The following ERAP1 variants were observed in gnomAD, a reference collection of about 807,000 sequenced individuals.
ERAP1 encodes the protein adipocyte-derived leucine aminopeptidase.
Under a neutral mutation model 103.7 loss-of-function variants are expected in ERAP1, and 86 were observed. That is an observed-to-expected ratio of 0.83 (90% CI 0.70 to 0.99). ERAP1 has a LOEUF of 0.99. Ranked by LOEUF, ERAP1 falls within the 50% of genes least tolerant of loss-of-function variation. The probability of loss-of-function intolerance (pLI) is 0.00; values close to 1 mark genes in which losing one functional copy is unlikely to be tolerated. For synonymous variants in ERAP1, 398 were observed against 402.4 expected, an observed-to-expected ratio of 0.99 and a Z score of 0.13; for missense variants, 1,009 against 1,128.4, an observed-to-expected ratio of 0.89 and a Z score of 1.52.
At chr5:96,909,812 A>G in the ERAP1 span, 1 of 1,582,684 alleles carries the variant, frequency 6.3e-7, no homozygotes, top group African/African-American at 1.4e-5. Context: ...TCTTTGATGT[A>G]AAAGTCTTTG....
chr5:96,857,429 T>A, the ERAP1 span, among the ~76,000 whole-genome samples: 2 of 152,068 alleles, frequency 1.3e-5, no homozygotes, highest in Non-Finnish European at 2.9e-5. Flanking sequence ...AACAAGGCCT[T>A]GCCCATAGAA....
exon 20 of ERAP1, chr5:96,761,939 C>T (rs1391556039): frequency 5.7e-6 from 1 of 174,040 alleles, no homozygotes; most frequent in Non-Finnish European, 1.2e-5. Context: ...CTCACTAGAA[C>T]TTATTCAGAG....
At chr5:96,848,215 AT>A in the ERAP1 span, among the ~76,000 whole-genome samples, 2 of 151,932 alleles carry the variant, frequency 1.3e-5, no homozygotes, top group Non-Finnish European at 2.9e-5. Context: ...CACCTGTCTA[AT>A]TTTGTTTTAT....
chr5:96,791,249 A>C (rs1776700890), intron 8 of ERAP1, among the ~76,000 whole-genome samples: 1 of 152,214 alleles, frequency 6.6e-6, no homozygotes, highest in African/African-American at 2.4e-5. Context: ...GGTGAGTCAC[A>C]AACTCAAATG....
At chr5:96,860,648 G>A in the ERAP1 span, among the ~76,000 whole-genome samples, 1 of 152,116 alleles carries the variant, frequency 6.6e-6, no homozygotes, top group East Asian at 1.9e-4. Flanking sequence ...AGGGGGTCTA[G>A]GAAGGTTTCC....
At chr5:96,796,143 G>C (rs1040493159) in intron 4 of ERAP1, among the ~76,000 whole-genome samples, 1 of 152,130 alleles carries the variant, frequency 6.6e-6, no homozygotes, top group African/African-American at 2.4e-5. Context: ...ACCTCCACAA[G>C]AATAAGAAAT....
Position 96,803,390 on chromosome 5 carries a change from GAAAA to G in ERAP1, c.524+9_524+12del. ...GCACTTGCAGTTTAAAAGAAAAAGA[GAAAA>G]AAAAATACCTCAGTTCCCCTTCCTT... On this transcript the variant is annotated intron_variant, in intron 2 of 18. Transcript: ENST00000443439. 1 of 1,581,394 alleles carries G rather than the reference GAAAA, an allele frequency of 6.3e-7. No homozygotes were observed. Among genetic ancestry groups the G allele is most frequent in the African/African-American group, 1.4e-5 (1 of 74,006 alleles).
the ERAP1 span, among the ~76,000 whole-genome samples, chr5:96,836,765 T>A: frequency 6.6e-6 from 1 of 152,188 alleles, no homozygotes; most frequent in African/African-American, 2.4e-5. Context: ...TAAAGAGCCA[T>A]ATGTGGATGC....
the ERAP1 span, among the ~76,000 whole-genome samples, chr5:96,916,291 A>G: frequency 2.0e-5 from 3 of 152,012 alleles, no homozygotes; most frequent in Non-Finnish European, 4.4e-5. Flanking sequence ...TAAAATACTT[A>G]AAATACGTGT....
chr5:96,781,843 T>G lies in ERAP1; in HGVS notation c.2297A>C (p.Asp766Ala), dbSNP rs375467336. The G allele has an allele frequency of 4.3e-6, 7 of 1,613,890 alleles. No individual in the cohort carries two copies. Among genetic ancestry groups the G allele is most frequent in the Non-Finnish European group, 5.1e-6 (6 of 1,179,966 alleles). ...ESNGNLSLPV[D>A]VTLAVFAVGA... ...CACAGCAAACACTGCCAAGGTCACGTCGACAGGCAGGCTATAGAAAGGAAC... is the reference window on the plus strand; with the variant it reads ...CACAGCAAACACTGCCAAGGTCACGGCGACAGGCAGGCTATAGAAAGGAAC... Residue 766 changes from aspartate to alanine, a missense_variant, in exon 16 of 19, where the codon GAC (aspartate) becomes GCC (alanine). Around this residue, in one of 3 missense-constraint regions of ERAP1, gnomAD observed 611 missense variants for 651.7 expected, o/e 0.94. Coordinates refer to ENST00000443439, the MANE Select transcript of ERAP1 (RefSeq NM_001040458.3).
At chr5:96,932,724 T>A in the ERAP1 span, among the ~76,000 whole-genome samples, 8 of 152,210 alleles carry the variant, frequency 5.3e-5, no homozygotes, top group Non-Finnish European at 8.8e-5. Context: ...GATAAAAATA[T>A]CCCTATATTC....
chr5:96,797,089 T>G (rs1045083605), intron 4 of ERAP1, 86 bp downstream of exon 4: 7 of 1,545,638 alleles, frequency 4.5e-6, no homozygotes, highest in Non-Finnish European at 6.2e-6. Context: ...CACGACCCAC[T>G]GCGCTCAGGC....
chr5:96,862,656 T>A, the ERAP1 span, among the ~76,000 whole-genome samples: 1 of 152,114 alleles, frequency 6.6e-6, no homozygotes, highest in Non-Finnish European at 1.5e-5. Context: ...AGCGAATGAG[T>A]TTTAAAGACC....
chr5:96,794,736 TA>T (rs899484982), intron 5 of ERAP1, among the ~76,000 whole-genome samples: 9 of 152,210 alleles, frequency 5.9e-5, no homozygotes, highest in Non-Finnish European at 1.3e-4. Context: ...CAGGTGCCAG[TA>T]AAGAAAAAAT....
rs3797812 is a variant in ERAP1, at chr5:96,761,523, G to A, written c.*1677C>T. 18 of 152,162 alleles carry A rather than the reference G, an allele frequency of 1.2e-4. No individual in the cohort carries two copies. In the East Asian group the frequency reaches 3.2e-3, roughly 27 times the overall value. The allele number at this position is 152,162 out of a possible 1,614,324, so 9.4% of individuals were successfully genotyped here. A position where few individuals can be genotyped will look rare whatever the true frequency, so the allele number is the denominator to read the frequency against. On this transcript the variant is annotated 3_prime_UTR_variant, in exon 20 of 20. Transcript: ENST00000296754. ...TTTAATGTGCTTTTCTCCATCTTTTGGTAAAATTTGCAATTCTCCTTTTTC... is the reference window on the plus strand; with the variant it reads ...TTTAATGTGCTTTTCTCCATCTTTTAGTAAAATTTGCAATTCTCCTTTTTC...
At chr5:96,907,892 A>AT in the ERAP1 span, among the ~76,000 whole-genome samples, 11 of 151,620 alleles carry the variant, frequency 7.3e-5, no homozygotes, top group East Asian at 1.2e-3. Flanking sequence ...TCAAAAAAAA[A>AT]AAATATATAT....
chr5:96,783,211 C>T lies in ERAP1; in HGVS notation c.2125G>A (p.Asp709Asn), dbSNP rs770438368. The change falls in exon 15 of 19, where the codon GAC becomes AAC. Residue 709 changes from aspartate (D) to asparagine (N), a missense_variant. By Grantham distance (23) the Asp-to-Asn change is conservative. Transcript: ENST00000443439. ...FKAFLIRLLR[D>N]LIDKQTWTDE... ...GTCCATGTCTGCTTATCAATGAGGT[C>T]CCTTAGCAGCCTGATGAGGAAGGCC... The T allele has an allele frequency of 6.2e-7, 1 of 1,612,084 alleles. No homozygotes were observed. Among genetic ancestry groups the T allele is most frequent in the Non-Finnish European group, 8.5e-7 (1 of 1,178,220 alleles).
chr5:96,934,204 T>C, the ERAP1 span: 1 of 152,180 alleles, frequency 6.6e-6, no homozygotes. Flanking sequence ...AGACTGATAA[T>C]AAGCAACAAA....
chr5:96,765,469 A>G lies in ERAP1; in HGVS notation c.2819-2241T>C. Reference sequence around the variant, plus strand: ...AAATTATAATGAAATAGAAAAATCAATCTGTACTCCACTGGAGGGGAAGGT... The same window carrying G: ...AAATTATAATGAAATAGAAAAATCAGTCTGTACTCCACTGGAGGGGAAGGT... On this transcript the variant is annotated intron_variant, in intron 19 of 19. Transcript: ENST00000296754. 5.1e-6 allele frequency: 3 copies of G among 588,040 alleles called. No individual in the cohort carries two copies. In the South Asian group the frequency reaches 6.7e-5, roughly 13 times the overall value. The allele number at this position is 588,040 out of a possible 1,614,324, so 36.4% of individuals were successfully genotyped here.
Sources: gnomAD v4.1 joint callset for allele counts (sites outside exome capture counted in the v4.1 genomes callset) on GRCh38, gnomAD v4.1.1 for gene constraint, gnomAD v4.1.1 regional missense constraint, MANE v1.5 for transcripts, NCBI Gene and HGNC (gene_info 2026-07-23, HGNC 2026-07-21) for gene names.